BAIAP2L2: variants seen among roughly 807,000 people sequenced by gnomAD.
BAIAP2L2 encodes the protein BAR/IMD domain containing adaptor protein 2 like 2, also known as BAR/IMD domain-containing adapter protein 2-like 2.
In BAIAP2L2, 65 loss-of-function variants were observed where a neutral mutation model predicts 60.4. The ratio of observed to expected loss-of-function variants is 1.08; its 90% CI spans 0.88 to 1.32. The LOEUF is 1.32. Ranked by LOEUF, BAIAP2L2 falls within the 40% of genes most tolerant of loss-of-function variation. BAIAP2L2 has a pLI of 0.00. For missense variants in BAIAP2L2, 836 were observed against 741.2 expected, an observed-to-expected ratio of 1.13 and a Z score of -1.48; for synonymous variants, 344 against 301.7, an observed-to-expected ratio of 1.14 and a Z score of -1.45.
intron 4 of BAIAP2L2, among the ~76,000 whole-genome samples, chr22:38,107,337 G>A (rs1487436075): frequency 6.6e-6 from 1 of 152,170 alleles, no homozygotes; most frequent in Non-Finnish European, 1.5e-5. Flanking sequence ...CAGCCCCGCA[G>A]CGGGGACACC....
At chr22:38,101,050 C>T (rs772092807) in intron 4 of BAIAP2L2, among the ~76,000 whole-genome samples, 2 of 152,088 alleles carry the variant, frequency 1.3e-5, no homozygotes, top group Non-Finnish European at 2.9e-5. Flanking sequence ...CCACACAGGG[C>T]ATACAATTGT....
intron 4 of BAIAP2L2, among the ~76,000 whole-genome samples, chr22:38,102,232 G>A (rs940802530): frequency 6.6e-6 from 1 of 152,192 alleles, no homozygotes; most frequent in Non-Finnish European, 1.5e-5. Flanking sequence ...AAACTGACCA[G>A]CCAGGCTCCC....
chr22:38,107,761 G>A (rs2086694037), intron 4 of BAIAP2L2, 91 bp downstream of exon 4: 3 of 1,258,516 alleles, frequency 2.4e-6, no homozygotes, highest in African/African-American at 1.5e-5. Context: ...CATCCTCCCT[G>A]GGAAGGGCAT....
intron 13 of BAIAP2L2, 96 bp downstream of exon 13, chr22:38,085,590 C>T (rs1031896685): frequency 1.4e-6 from 2 of 1,438,378 alleles, no homozygotes; most frequent in South Asian, 2.3e-5. Flanking sequence ...ATCAAGAGAT[C>T]CTCCTGCCCC....
rs1458139372 is a variant in BAIAP2L2, at chr22:38,089,121, GCGACGGTCTGGCTCTAGCTGGGA to G, written c.853_875del (p.Ser285LeufsTer140). 14 of 1,371,516 alleles carry G rather than the reference GCGACGGTCTGGCTCTAGCTGGGA, an allele frequency of 1.0e-5. No homozygotes were observed. Among genetic ancestry groups the G allele is most frequent in the Non-Finnish European group, 9.4e-6 (10 of 1,068,906 alleles). 85.0% of individuals were successfully genotyped at this position (1,371,516 alleles called of 1,614,324 possible). On this transcript the variant is annotated frameshift_variant, in exon 9 of 14. Transcript: ENST00000381669. LOFTEE classifies it high-confidence loss of function. ...AGGCCGACGGCGTGCGGGGCAGGGA[GCGACGGTCTGGCTCTAGCTGGGA>G]CGCGGGCCTCGCGTCGGGCTCGGTG...
intron 4 of BAIAP2L2, among the ~76,000 whole-genome samples, chr22:38,102,039 C>T (rs999317185): frequency 6.6e-6 from 1 of 152,060 alleles, no homozygotes; most frequent in Admixed American, 6.6e-5. Flanking sequence ...GGTAGCTGGG[C>T]GTTGAGGGAC....
At chr22:38,085,518 T>A in intron 13 of BAIAP2L2, 143 bp from the exon 14 acceptor site, 1 of 1,291,580 alleles carries the variant, frequency 7.7e-7, no homozygotes, top group Middle Eastern at 2.2e-4. Flanking sequence ...CGCTTCATCT[T>A]TTTTTTTCTT....
chr22:38,103,724 G>A (rs2086609222), intron 4 of BAIAP2L2, among the ~76,000 whole-genome samples: 1 of 151,998 alleles, frequency 6.6e-6, no homozygotes, highest in Non-Finnish European at 1.5e-5. Context: ...TTAGCTAGAT[G>A]CAGTGTTGCA....
Position 38,085,740 on chromosome 22 carries a change from G to C in BAIAP2L2, c.1468-8C>G. The C allele has an allele frequency of 1.3e-6, 2 of 1,593,280 alleles. No individual in the cohort carries two copies. Among genetic ancestry groups the C allele is most frequent in the Non-Finnish European group, 8.5e-7 (1 of 1,171,668 alleles). ...CTCTGAGGACATCAGTTTCTGCAGTGGGGGTGGGGAAGGGCTGGTTTGGTG... is the reference window on the plus strand; with the variant it reads ...CTCTGAGGACATCAGTTTCTGCAGTCGGGGTGGGGAAGGGCTGGTTTGGTG... On this transcript the variant is annotated splice_region_variant and splice_polypyrimidine_tract_variant and intron_variant, in intron 12 of 13. Coordinates refer to ENST00000381669, the MANE Select transcript of BAIAP2L2 (RefSeq NM_025045.6).
In BAIAP2L2 at chr22:38,085,725, A is replaced by C; in HGVS notation, c.1475T>G (p.Met492Arg). The change falls in exon 13 of 14, where the codon ATG becomes AGG. Residue 492 changes from methionine (M) to arginine (R), a missense_variant. Physicochemically the swap from Met to Arg is moderately conservative, Grantham distance 91 (BLOSUM62 -1). Transcript: ENST00000381669. ...CTGTGGTGGGTACTGCTCTGAGGAC[A>C]TCAGTTTCTGCAGTGGGGGTGGGGA... Reference protein sequence around the residue: ...TAVATDVKKLMSSEQYPPQEL... With the variant: ...TAVATDVKKLRSSEQYPPQEL... The C allele has an allele frequency of 1.3e-6, 2 of 1,599,982 alleles. No homozygotes were observed. Among genetic ancestry groups the C allele is most frequent in the Non-Finnish European group, 1.7e-6 (2 of 1,175,168 alleles).
rs1290721427 is a variant in BAIAP2L2, at chr22:38,088,909, G to A, written c.957C>T (p.Arg319=). 4.5e-6 allele frequency: 7 copies of A among 1,559,948 alleles called. No individual in the cohort carries two copies. The South Asian group carries it at 7.0e-5, about 16-fold the overall frequency. The change falls in exon 10 of 14, where the codon CGC becomes CGT. Residue 319 remains arginine, a synonymous_variant. Transcript: ENST00000381669. ...TCCTGGCGCCCCCGCCGCCGCCCGG[G>A]CGCTCGCCAAAGGAGTTGGAGCGCG... is the stretch of plus-strand genomic sequence containing the variant. ...QSSRSNSFGE[R]PGGGGGARRV...
At chr22:38,093,843 T>C in intron 7 of BAIAP2L2, 1 of 453,940 alleles carries the variant, frequency 2.2e-6, no homozygotes, top group Non-Finnish European at 4.4e-6. Flanking sequence ...ATTCTACTCT[T>C]ATATACCCAA....
chr22:38,109,708 T>G (rs944087049), intron 1 of BAIAP2L2, among the ~76,000 whole-genome samples: 1 of 151,674 alleles, frequency 6.6e-6, no homozygotes, highest in Non-Finnish European at 1.5e-5. Context: ...AGTGTGGGCC[T>G]CCTCGGGCTG....
At chr22:38,093,827 C>T in intron 7 of BAIAP2L2, 1 of 444,728 alleles carries the variant, frequency 2.2e-6, no homozygotes, top group Non-Finnish European at 4.6e-6. Flanking sequence ...ACCATATGGC[C>T]CCACAATTCT....
intron 7 of BAIAP2L2, chr22:38,091,533 T>C (rs2086299392): frequency 6.6e-6 from 1 of 152,006 alleles, no homozygotes; most frequent in African/African-American, 2.4e-5. Flanking sequence ...ACCACAAAAA[T>C]TAAAATAAAT....
intron 7 of BAIAP2L2, chr22:38,090,174 G>C (rs1388857037): frequency 7.2e-6 from 1 of 139,840 alleles, no homozygotes; most frequent in Middle Eastern, 3.9e-3. Context: ...GCAATGGCGC[G>C]ATCTCGGCTC....
chr22:38,096,322 A>G (rs2086425563), intron 7 of BAIAP2L2, among the ~76,000 whole-genome samples: 1 of 152,340 alleles, frequency 6.6e-6, no homozygotes, highest in East Asian at 1.9e-4. Context: ...TGACTAGTCT[A>G]GCAGACAGAA....
intron 6 of BAIAP2L2, 75 bp downstream of exon 6, chr22:38,097,988 T>C: frequency 7.2e-7 from 1 of 1,382,164 alleles, no homozygotes; most frequent in South Asian, 1.2e-5. Flanking sequence ...CGTTCGGGGT[T>C]CCCAGGGCCC....
At chr22:38,101,371 TAAAAAAAAAAAAA>T (rs529893934) in intron 4 of BAIAP2L2, among the ~76,000 whole-genome samples, 48,917 of 80,956 alleles carry the variant, frequency 0.6, 11,387 homozygotes, top group South Asian at 0.72. Flanking sequence ...TGTCTCTACA[TAAAAAAAAAAAAA>T]AAAAAAAAAA....
Sources: gnomAD v4.1 joint callset for allele counts (sites outside exome capture counted in the v4.1 genomes callset) on GRCh38, gnomAD v4.1.1 for gene constraint, MANE v1.5 for transcripts, NCBI Gene and HGNC (gene_info 2026-07-23, HGNC 2026-07-21) for gene names.